Variants in HS6ST3 observed in about 807,000 individuals in gnomAD.
HS6ST3 encodes the protein heparan sulfate 6-O-sulfotransferase 3.
HS6ST3 carries 12 observed loss-of-function variants against 36.7 expected under a neutral mutation model. The observed-to-expected ratio is 0.33, with a 90% CI of 0.21 to 0.53. The LOEUF (loss-of-function observed/expected upper bound fraction) is 0.53. Among genes scored for constraint, HS6ST3 ranks in the 20% least tolerant of loss-of-function variants. HS6ST3 has a pLI of 0.95. For missense variants in HS6ST3, 584 were observed against 640.9 expected (o/e 0.91, Z 0.96); for synonymous variants, 240 against 257.5 (o/e 0.93, Z 0.65).
At chr13:96,508,462 G>T (rs1359537577) in intron 1 of HS6ST3, among the ~76,000 whole-genome samples, 1 of 151,780 alleles carries the variant, frequency 6.6e-6, no homozygotes, top group Non-Finnish European at 1.5e-5. Flanking sequence ...GAAATTTTAG[G>T]GCACCCATCA....
At chr13:96,277,878 T>C (rs1173134170) in intron 1 of HS6ST3, among the ~76,000 whole-genome samples, 1 of 152,192 alleles carries the variant, frequency 6.6e-6, no homozygotes, top group African/African-American at 2.4e-5. Flanking sequence ...ACAGTTTGGA[T>C]TGTTGTCAGC....
intron 1 of HS6ST3, among the ~76,000 whole-genome samples, chr13:96,746,195 C>T (rs1876556381): frequency 6.6e-6 from 1 of 152,036 alleles, no homozygotes; most frequent in African/African-American, 2.4e-5. Context: ...ATGTATCTAA[C>T]CTTCTTAATA....
chr13:96,558,444 A>G (rs1288549634), intron 1 of HS6ST3, among the ~76,000 whole-genome samples: 1 of 152,234 alleles, frequency 6.6e-6, no homozygotes, highest in Non-Finnish European at 1.5e-5. Context: ...GTCTCACAGC[A>G]GGTAGATAAC....
intron 1 of HS6ST3, among the ~76,000 whole-genome samples, chr13:96,331,820 A>G (rs1380097189): frequency 6.6e-6 from 1 of 152,100 alleles, no homozygotes; most frequent in African/African-American, 2.4e-5. Flanking sequence ...CTGCTGTGCT[A>G]GCAATCAGCG....
chr13:96,458,946 A>C (rs1259434528), intron 1 of HS6ST3, among the ~76,000 whole-genome samples: 1 of 151,896 alleles, frequency 6.6e-6, no homozygotes, highest in East Asian at 1.9e-4. Flanking sequence ...TGTACTAAAA[A>C]TACAAAAATT....
chr13:96,484,423 T>C (rs1018699980), intron 1 of HS6ST3, among the ~76,000 whole-genome samples: 1 of 152,204 alleles, frequency 6.6e-6, no homozygotes, highest in South Asian at 2.1e-4. Flanking sequence ...TTGTTAACTA[T>C]ATTCACTATG....
chr13:96,738,878 T>A (rs1876357618), intron 1 of HS6ST3, among the ~76,000 whole-genome samples: 1 of 152,284 alleles, frequency 6.6e-6, no homozygotes, highest in Non-Finnish European at 1.5e-5. Flanking sequence ...GCAAAACACC[T>A]CAAAAGAATT....
At chr13:96,230,354 T>G (rs543577658) in intron 1 of HS6ST3, among the ~76,000 whole-genome samples, 1 of 152,098 alleles carries the variant, frequency 6.6e-6, no homozygotes, top group South Asian at 2.1e-4. Context: ...AGGGTACTGG[T>G]TTTGACAACT....
At chr13:96,361,761 A>C (rs979578363) in intron 1 of HS6ST3, among the ~76,000 whole-genome samples, 2 of 152,206 alleles carry the variant, frequency 1.3e-5, no homozygotes, top group African/African-American at 4.8e-5. Flanking sequence ...TCCATAGTTA[A>C]AGTAGATGTT....
rs118097238 is a variant in HS6ST3 at position 96,167,258 on chromosome 13, G to A, written c.707+75689G>A. On this transcript the variant is annotated intron_variant, in intron 1 of 1. Coordinates refer to ENST00000376705, the MANE Select transcript of HS6ST3 (RefSeq NM_153456.4). ...GGATGTTGGGATAATTTATCATAAT[G>A]TTCGTAGATACACATTGCTGGCACA... Among the ~76,000 whole-genome samples, 586 of 152,236 alleles carry A rather than the reference G, an allele frequency of 3.8e-3. 20 individuals are homozygous for A. In the East Asian group the frequency reaches 0.097, roughly 25 times the overall value.
At chr13:96,622,479 A>G (rs1371084260) in intron 1 of HS6ST3, among the ~76,000 whole-genome samples, 1 of 152,158 alleles carries the variant, frequency 6.6e-6, no homozygotes, top group Non-Finnish European at 1.5e-5. Flanking sequence ...CACTTAGAAC[A>G]GTTAGTTTGT....
At chr13:96,495,071 A>G (rs957812800) in intron 1 of HS6ST3, among the ~76,000 whole-genome samples, 3 of 151,970 alleles carry the variant, frequency 2.0e-5, no homozygotes, top group Non-Finnish European at 4.4e-5. Flanking sequence ...CTGTCTTGAC[A>G]TCTTTTTTAC....
chr13:96,284,910 GCTTTCTTTCTTTCTTTCTTT>G (rs71740033), intron 1 of HS6ST3, among the ~76,000 whole-genome samples: 3,882 of 134,550 alleles, frequency 0.029, 62 homozygotes, highest in Middle Eastern at 0.043. Flanking sequence ...ATGCATATTT[GCTTTCTTTCTTTCTTTCTTT>G]CTTTCTTTCT....
chr13:96,822,525 T>C (rs1197880736), intron 1 of HS6ST3, among the ~76,000 whole-genome samples: 1 of 152,200 alleles, frequency 6.6e-6, no homozygotes, highest in Non-Finnish European at 1.5e-5. Flanking sequence ...CATGGCATTT[T>C]AGTGAGTTCG....
At position 96,192,659 on chromosome 13, in the gene HS6ST3, TAGGTTGGTTCC is replaced by T. The variant is rs560189141; in HGVS notation, c.707+101103_707+101113del. Among the ~76,000 whole-genome samples the T allele has an allele frequency of 1.1e-3, 160 of 152,116 alleles. 1 individual carries two copies. Among genetic ancestry groups the T allele is most frequent in the Middle Eastern group, 6.8e-3 (2 of 294 alleles). On this transcript the variant is annotated intron_variant, in intron 1 of 1. Coordinates refer to ENST00000376705, the MANE Select transcript of HS6ST3 (RefSeq NM_153456.4). Reference sequence around the variant, plus strand: ...ATCCAGTCAACCACTAATAGACATTTAGGTTGGTTCCAGGTTGGTTCCATGACTTGGCTGTT... The same window carrying T: ...ATCCAGTCAACCACTAATAGACATTTAGGTTGGTTCCATGACTTGGCTGTT...
At chr13:96,388,782 G>A (rs553130779) in intron 1 of HS6ST3, among the ~76,000 whole-genome samples, 1 of 152,202 alleles carries the variant, frequency 6.6e-6, no homozygotes, top group Non-Finnish European at 1.5e-5. Flanking sequence ...TAGACCTAAT[G>A]GTTTTATAAG....
intron 1 of HS6ST3, among the ~76,000 whole-genome samples, chr13:96,601,699 G>A (rs1009943449): frequency 3.3e-5 from 5 of 151,864 alleles, no homozygotes; most frequent in South Asian, 2.1e-4. Flanking sequence ...TTCATATTAC[G>A]AGAATTATTT....
chr13:96,709,788 TACA>T (rs1875517360), intron 1 of HS6ST3, among the ~76,000 whole-genome samples: 1 of 152,240 alleles, frequency 6.6e-6, no homozygotes, highest in Non-Finnish European at 1.5e-5. Flanking sequence ...CTAAGCTGAC[TACA>T]ACAATGAACA....
intron 1 of HS6ST3, among the ~76,000 whole-genome samples, chr13:96,516,028 C>G (rs1197113840): frequency 6.6e-6 from 1 of 150,856 alleles, no homozygotes; most frequent in Admixed American, 6.6e-5. Context: ...TATTGTTTGT[C>G]TAGATGATGA....
Sources: gnomAD v4.1 joint callset for allele counts (sites outside exome capture counted in the v4.1 genomes callset) on GRCh38, gnomAD v4.1.1 for gene constraint, MANE v1.5 for transcripts, NCBI Gene and HGNC (gene_info 2026-07-23, HGNC 2026-07-21) for gene names.